Variants in DCHS2 observed in about 807,000 individuals in gnomAD.
DCHS2 encodes the protein protocadherin-23.
DCHS2 carries 142 observed loss-of-function variants against 182.4 expected under a neutral mutation model. That is an observed-to-expected ratio of 0.78 (90% CI 0.68 to 0.89). The LOEUF is 0.89. DCHS2 is among the 40% of genes least tolerant of loss of function. The pLI is 0.00. For synonymous variants in DCHS2, 1,740 were observed against 1,663.3 expected, an observed-to-expected ratio of 1.05 and a Z score of -1.12; for missense variants, 4,319 against 4,198.6, an observed-to-expected ratio of 1.03 and a Z score of -0.79.
rs543361806 is a variant in DCHS2, at chr4:154,329,756, C to T, written c.3731-46G>A. The T allele has an allele frequency of 8.3e-5, 128 of 1,539,424 alleles. 5 individuals carry two copies. The South Asian group carries it at 1.3e-3, about 16-fold the overall frequency. On this transcript the variant is annotated intron_variant, in intron 5 of 19. Transcript: ENST00000357232. The stretch of plus-strand genomic sequence containing the variant: ...CAAGACACAGGCACTGTGTACCAGG[C>T]GCACCAGGGCCAGAACCATTTCCAG...
At chr4:154,326,446 T>C (rs1736285149) in intron 7 of DCHS2, among the ~76,000 whole-genome samples, 1 of 152,190 alleles carries the variant, frequency 6.6e-6, no homozygotes, top group Admixed American at 6.5e-5. Context: ...AATTTTCATT[T>C]AGTTTTATTT....
intron 3 of DCHS2, among the ~76,000 whole-genome samples, chr4:154,362,310 G>T (rs753468308): frequency 1.3e-5 from 2 of 152,146 alleles, no homozygotes; most frequent in Non-Finnish European, 2.9e-5. Context: ...CACTTACCAT[G>T]CTGTGATTCA....
At chr4:154,448,210 G>C (rs1315238101) in intron 1 of DCHS2, among the ~76,000 whole-genome samples, 1 of 152,062 alleles carries the variant, frequency 6.6e-6, no homozygotes, top group Non-Finnish European at 1.5e-5. Flanking sequence ...CCCATTCCTG[G>C]CTATGACATG....
chr4:154,298,943 T>A, intron 12 of DCHS2: 1 of 417,960 alleles, frequency 2.4e-6, no homozygotes. Context: ...TGCCTATCTT[T>A]AATCAGTCAA....
Position 154,235,643 on chromosome 4 carries a change from T to C in DCHS2, c.9009A>G (p.Leu3003=). 1 of 1,613,868 alleles carries C rather than the reference T, an allele frequency of 6.2e-7. No individual in the cohort carries two copies. Among genetic ancestry groups the C allele is most frequent in the Non-Finnish European group, 8.5e-7 (1 of 1,179,938 alleles). Residue 3003 remains leucine, a synonymous_variant, in exon 20 of 20, where the codon TTA becomes TTG. Transcript: ENST00000357232. ...SFSISLVVSF[L]VFLILICILI... ...GAATGCAGATGAGTATCAGAAACAC[T>C]AAAAAGGAGACCACCAGGCTGATTG...
rs779293828 is a variant in DCHS2 at position 154,333,249 on chromosome 4, T to C, written c.2959A>G (p.Arg987Gly). The C allele has an allele frequency of 4.3e-6, 7 of 1,614,108 alleles. No homozygotes were observed. Among genetic ancestry groups the C allele is most frequent in the East Asian group, 2.2e-5 (1 of 44,888 alleles). Residue 987 changes from arginine to glycine, a missense_variant, in exon 5 of 20, where the codon AGA (arginine) becomes GGA (glycine). Arg to Gly is a moderately radical substitution (Grantham distance 125). Coordinates refer to ENST00000357232, the MANE Select transcript of DCHS2 (RefSeq NM_001358235.2). ...CCAGGGGGCGTGGTCTGGGATATTC[T>C]AATCTCATCCGAGGTCCTGAGGAAC... is the stretch of plus-strand genomic sequence containing the variant. ...PAFLRTSDEI[R>G]ISQTTPPGTA... is the part of the protein sequence containing the mutation.
chr4:154,275,039 T>A (rs4235243), intron 13 of DCHS2, among the ~76,000 whole-genome samples: 64,163 of 134,924 alleles, frequency 0.48, 15,903 homozygotes, highest in Non-Finnish European at 0.63. Flanking sequence ...CCAAGCCAAA[T>A]TGTTATTTTT....
chr4:154,328,210 A>G lies in DCHS2; in HGVS notation c.3919-18T>C, dbSNP rs12651681. 0.025 allele frequency: 39,534 copies of G among 1,591,268 alleles called. 3,116 individuals are homozygous for G. The highest frequency in any genetic ancestry group is 0.23 in the Admixed American group (13,027 of 57,008). ...TCCAGAACCTGCCATTAAAACAAAC[A>G]GCTTACAAATGAGTCAGCAAAAGTT... On this transcript the variant is annotated intron_variant, in intron 6 of 19. Transcript: ENST00000357232.
At chr4:154,441,576 T>C (rs1413699404) in intron 1 of DCHS2, among the ~76,000 whole-genome samples, 2 of 151,752 alleles carry the variant, frequency 1.3e-5, no homozygotes, top group African/African-American at 4.8e-5. Flanking sequence ...AGTTTTTTCC[T>C]ATTTTCATTG....
chr4:154,259,874 G>C (rs753839313), intron 14 of DCHS2, 118 bp from the exon 15 acceptor site: 48 of 1,197,774 alleles, frequency 4.0e-5, no homozygotes, highest in Non-Finnish European at 5.2e-5. Flanking sequence ...CCAGGCTGGA[G>C]TGCAGTGGTG....
intron 13 of DCHS2, chr4:154,284,601 G>A (rs1734302961): frequency 6.6e-6 from 1 of 152,354 alleles, no homozygotes; most frequent in African/African-American, 2.4e-5. Context: ...GGTGAGCATG[G>A]TGATTGTGGG....
At chr4:154,254,815 C>T (rs548654412) in intron 16 of DCHS2, among the ~76,000 whole-genome samples, 15 of 151,814 alleles carry the variant, frequency 9.9e-5, no homozygotes, top group African/African-American at 1.7e-4. Flanking sequence ...CCAGTCTGGG[C>T]GACAGAATAA....
chr4:154,471,833 CA>C (rs1257208455), intron 1 of DCHS2, among the ~76,000 whole-genome samples: 1 of 151,878 alleles, frequency 6.6e-6, no homozygotes, highest in Non-Finnish European at 1.5e-5. Context: ...AAAAAATATG[CA>C]AGCAGAAGCA....
At position 154,239,275 on chromosome 4, in the gene DCHS2, C is replaced by A. The variant is rs374029511; in HGVS notation, c.7387G>T (p.Gly2463Trp). 6.2e-7 allele frequency: 1 copy of A among 1,613,166 alleles called. No individual in the cohort carries two copies. ...GCTGACAGAGTCAGCACTGAATACC[C>A]CACAGGTATTGATTCAGGAACTGTG... is the stretch of plus-strand genomic sequence containing the variant. Reference protein sequence around the residue: ...QVTVPESIPVGYSVLTLSATD... With the variant: ...QVTVPESIPVWYSVLTLSATD... Residue 2463 changes from glycine to tryptophan, a missense_variant, in exon 19 of 20, where the codon GGG becomes TGG. By Grantham distance (184) the Gly-to-Trp change is radical. Transcript: ENST00000357232.
chr4:154,383,723 T>G (rs944987875), intron 1 of DCHS2, among the ~76,000 whole-genome samples: 3 of 152,114 alleles, frequency 2.0e-5, no homozygotes, highest in Admixed American at 2.0e-4. Flanking sequence ...TCCAGCCATT[T>G]ATATCAGCCA....
chr4:154,491,333 A>G lies in DCHS2; in HGVS notation c.23T>C (p.Met8Thr), dbSNP rs752436396. The G allele has an allele frequency of 6.5e-7, 1 of 1,542,860 alleles. No individual in the cohort carries two copies. The highest frequency in any genetic ancestry group is 1.2e-5 in the South Asian group (1 of 83,384). ...CCGCCGCTGCTGACGCCCTTCGCCC[A>G]TCTTCCGCCCACAAGGGCTCATTTC... MSPCGRK[M>T]GEGRQQRRAP... Residue 8 changes from methionine (M) to threonine (T), a missense_variant, in exon 1 of 20, where the codon ATG (methionine) becomes ACG (threonine). Physicochemically the swap from Met to Thr is moderately conservative, Grantham distance 81 (BLOSUM62 -1). Transcript: ENST00000357232.
intron 13 of DCHS2, 87 bp from the exon 14 acceptor site, chr4:154,270,100 G>T (rs1733514804): frequency 6.9e-7 from 1 of 1,447,234 alleles, no homozygotes; most frequent in Non-Finnish European, 9.2e-7. Context: ...TTTATTATTT[G>T]CCTACTATGT....
chr4:154,386,462 C>A (rs1731423133), intron 1 of DCHS2, among the ~76,000 whole-genome samples: 1 of 149,898 alleles, frequency 6.7e-6, no homozygotes, highest in East Asian at 1.9e-4. Flanking sequence ...ATGCTCTAGT[C>A]AAGAGTCACT....
At chr4:154,486,546 G>T (rs1262664739) in intron 1 of DCHS2, 1 of 1,302,774 alleles carries the variant, frequency 7.7e-7, no homozygotes, top group South Asian at 1.2e-5. Context: ...ACTTGTAGAT[G>T]GCAACAGAAA....
Sources: gnomAD v4.1 joint callset for allele counts (sites outside exome capture counted in the v4.1 genomes callset) on GRCh38, gnomAD v4.1.1 for gene constraint, MANE v1.5 for transcripts, NCBI Gene and HGNC (gene_info 2026-07-23, HGNC 2026-07-21) for gene names.